SRRM3: variants seen among roughly 807,000 people sequenced by gnomAD.
SRRM3 encodes the protein serine/arginine repetitive matrix 3, also known as serine/arginine repetitive matrix protein 3.
Under a neutral mutation model 66.2 loss-of-function variants are expected in SRRM3, and 27 were observed. The observed-to-expected ratio is 0.41, with a 90% CI of 0.30 to 0.56. The LOEUF is 0.56. Ranked by LOEUF, SRRM3 falls within the 20% of genes least tolerant of loss-of-function variation. The pLI is 0.32. For missense variants in SRRM3, 918 were observed against 991.9 expected, an observed-to-expected ratio of 0.93 and a Z score of 1.00; for synonymous variants, 391 against 414.9, an observed-to-expected ratio of 0.94 and a Z score of 0.70.
chr7:76,205,236 GTC>G (rs1320801437), intron 1 of SRRM3, among the ~76,000 whole-genome samples: 1 of 152,026 alleles, frequency 6.6e-6, no homozygotes, highest in Non-Finnish European at 1.5e-5. Flanking sequence ...TTGAGACAGA[GTC>G]TCTCTCTGTC....
intron 10 of SRRM3, among the ~76,000 whole-genome samples, chr7:76,266,433 AAT>A (rs1554609687): frequency 9.0e-6 from 1 of 110,744 alleles, no homozygotes; most frequent in East Asian, 2.3e-4. Context: ...TCTATATATA[AAT>A]ATAGATATAT....
intron 11 of SRRM3, among the ~76,000 whole-genome samples, chr7:76,276,998 G>T (rs541730681): frequency 6.6e-6 from 1 of 152,324 alleles, no homozygotes; most frequent in Admixed American, 6.5e-5. Context: ...GCTCCCCACC[G>T]TCAGGTGACT....
intron 1 of SRRM3, among the ~76,000 whole-genome samples, chr7:76,231,491 T>G (rs1554604231): frequency 6.6e-6 from 1 of 152,188 alleles, no homozygotes; most frequent in Admixed American, 6.5e-5. Flanking sequence ...TCAGGCCAAG[T>G]TCTAGGCTGG....
intron 8 of SRRM3, among the ~76,000 whole-genome samples, chr7:76,263,079 CT>C (rs1445710331): frequency 1.2e-4 from 19 of 152,210 alleles, no homozygotes; most frequent in African/African-American, 4.3e-4. Context: ...TCATCTTCCC[CT>C]GGCCTCCCAG....
At chr7:76,235,812 C>T (rs1461683165) in intron 2 of SRRM3, among the ~76,000 whole-genome samples, 2 of 151,258 alleles carry the variant, frequency 1.3e-5, no homozygotes, top group Non-Finnish European at 2.9e-5. Flanking sequence ...TTGAGATCAG[C>T]CTGGCCAACA....
At chr7:76,258,109 A>T (rs2117050686) in intron 3 of SRRM3, among the ~76,000 whole-genome samples, 1 of 152,308 alleles carries the variant, frequency 6.6e-6, no homozygotes, top group East Asian at 1.9e-4. Context: ...CGAAAAGGAG[A>T]GTTCTGTAAG....
intron 11 of SRRM3, chr7:76,268,653 G>A (rs1554610135): frequency 1.3e-5 from 2 of 152,256 alleles, no homozygotes; most frequent in East Asian, 3.9e-4. Flanking sequence ...GAAGGCTCTT[G>A]GTCTCAAGGT....
intron 11 of SRRM3, among the ~76,000 whole-genome samples, chr7:76,272,054 T>C (rs1022530254): frequency 1.6e-4 from 25 of 152,206 alleles, no homozygotes; most frequent in Non-Finnish European, 2.9e-4. Flanking sequence ...AGGAAGATAC[T>C]GATCAGGAGA....
chr7:76,259,262 A>C (rs113258267), intron 3 of SRRM3, among the ~76,000 whole-genome samples: 3 of 151,780 alleles, frequency 2.0e-5, no homozygotes, highest in Non-Finnish European at 4.4e-5. Flanking sequence ...GAAGAAGAGG[A>C]GCCTCATCTA....
intron 3 of SRRM3, among the ~76,000 whole-genome samples, chr7:76,258,575 G>A (rs924709075): frequency 5.3e-5 from 8 of 151,872 alleles, no homozygotes; most frequent in African/African-American, 1.4e-4. Flanking sequence ...TTAGCTGGGC[G>A]TGGTGGTGCA....
intron 1 of SRRM3, among the ~76,000 whole-genome samples, chr7:76,221,830 A>C (rs1418843038): frequency 6.6e-6 from 1 of 152,200 alleles, no homozygotes; most frequent in African/African-American, 2.4e-5. Flanking sequence ...GGTCTAACTC[A>C]TGCCTGTAAT....
rs558287774 is a variant in SRRM3 at position 76,226,275 on chromosome 7, C to T, written c.-39-8753C>T. The stretch of plus-strand genomic sequence containing the variant: ...CTTGCTCAGGAAACCCAGGCTTGGG[C>T]TTGTGGGAGGGAGGCAACTCCAGGG... On this transcript the variant is annotated intron_variant, in intron 1 of 14. Transcript: ENST00000611745. Among the ~76,000 whole-genome samples, 6 of 152,342 alleles carry T rather than the reference C, an allele frequency of 3.9e-5. No homozygotes were observed. The East Asian group carries it at 1.2e-3, about 29-fold the overall frequency.
intron 1 of SRRM3, among the ~76,000 whole-genome samples, chr7:76,221,359 CTT>C (rs781915041): frequency 1.5e-4 from 14 of 95,348 alleles, no homozygotes; most frequent in Non-Finnish European, 2.0e-4. Context: ...CTGCCCTCCT[CTT>C]TTTTTTTTTT....
intron 11 of SRRM3, among the ~76,000 whole-genome samples, chr7:76,279,944 G>T (rs1258981755): frequency 6.6e-6 from 1 of 152,080 alleles, no homozygotes; most frequent in East Asian, 1.9e-4. Flanking sequence ...CTAGAATGGG[G>T]TGGTTGCGTT....
At chr7:76,207,358 A>G (rs1208731722) in intron 1 of SRRM3, among the ~76,000 whole-genome samples, 3 of 152,156 alleles carry the variant, frequency 2.0e-5, no homozygotes, top group Non-Finnish European at 2.9e-5. Context: ...TCTTCATTGT[A>G]CAAGTCTTGG....
intron 1 of SRRM3, among the ~76,000 whole-genome samples, chr7:76,232,927 G>A (rs1283183163): frequency 1.3e-5 from 2 of 152,114 alleles, no homozygotes; most frequent in Non-Finnish European, 2.9e-5. Context: ...CAGAGAGGCA[G>A]TGGACCTGCA....
At position 76,223,868 on chromosome 7, in the gene SRRM3, T is replaced by A. The variant is rs186980760; in HGVS notation, c.-39-11160T>A. Among the ~76,000 whole-genome samples, 10 of 70,404 alleles carry A rather than the reference T, an allele frequency of 1.4e-4. No individual in the cohort carries two copies. The East Asian group carries it at 1.9e-3, about 13-fold the overall frequency. The allele number at this position is 70,404 out of a possible 152,430, so 46.2% of individuals were successfully genotyped here. A position where few individuals can be genotyped will look rare whatever the true frequency, so the allele number is the denominator to read the frequency against. On this transcript the variant is annotated intron_variant, in intron 1 of 14. Coordinates refer to ENST00000611745, the MANE Select transcript of SRRM3 (RefSeq NM_001110199.3). ...TTCCCTTCCCTTCCCTTCCCTTCCC[T>A]TCCCTTCCCTTCCCTTCCCTTCCCT...
chr7:76,234,194 A>T (rs1169105012), intron 1 of SRRM3, among the ~76,000 whole-genome samples: 4 of 141,078 alleles, frequency 2.8e-5, no homozygotes, highest in African/African-American at 1.0e-4. Flanking sequence ...AAGTCCTTGG[A>T]GTGTGTGTGT....
At chr7:76,277,882 G>A (rs1802395685) in intron 11 of SRRM3, among the ~76,000 whole-genome samples, 1 of 152,174 alleles carries the variant, frequency 6.6e-6, no homozygotes, top group Non-Finnish European at 1.5e-5. Flanking sequence ...AAAGTAGCAA[G>A]CAAAGATTTC....
Sources: gnomAD v4.1 joint callset for allele counts (sites outside exome capture counted in the v4.1 genomes callset) on GRCh38, gnomAD v4.1.1 for gene constraint, MANE v1.5 for transcripts, NCBI Gene and HGNC (gene_info 2026-07-23, HGNC 2026-07-21) for gene names.